CNTNAP2: variants seen among roughly 807,000 people sequenced by gnomAD.
CNTNAP2 encodes contactin associated protein 2.
CNTNAP2 carries 98 observed loss-of-function variants against 155.2 expected under a neutral mutation model. The observed-to-expected ratio is 0.63, with a 90% CI of 0.54 to 0.75. The LOEUF (loss-of-function observed/expected upper bound fraction) is 0.75. Ranked by LOEUF, CNTNAP2 falls within the 30% of genes least tolerant of loss-of-function variation. The pLI, the probability that CNTNAP2 is intolerant of heterozygous loss-of-function variation, is 0.00. For synonymous variants in CNTNAP2, 651 were observed against 631.2 expected, an observed-to-expected ratio of 1.03 and a Z score of -0.47; for missense variants, 1,727 against 1,688.1, an observed-to-expected ratio of 1.02 and a Z score of -0.40.
intron 3 of CNTNAP2, among the ~76,000 whole-genome samples, chr7:146,846,186 T>G (rs1201937668): frequency 6.6e-6 from 1 of 152,148 alleles, no homozygotes. Context: ...ATGTGATTCT[T>G]TTCCCCAAAA....
intron 1 of CNTNAP2, among the ~76,000 whole-genome samples, chr7:146,354,222 G>A (rs1246982367): frequency 6.6e-6 from 1 of 152,102 alleles, no homozygotes; most frequent in Non-Finnish European, 1.5e-5. Flanking sequence ...TCCACTGTGA[G>A]CTTTAGATTC....
At chr7:147,231,220 C>T (rs1803673983) in intron 8 of CNTNAP2, among the ~76,000 whole-genome samples, 1 of 152,196 alleles carries the variant, frequency 6.6e-6, no homozygotes, top group African/African-American at 2.4e-5. Flanking sequence ...ACCATATCAC[C>T]TAATGTCCTC....
chr7:148,339,240 C>T (rs1301219191), intron 21 of CNTNAP2, among the ~76,000 whole-genome samples: 6 of 148,802 alleles, frequency 4.0e-5, no homozygotes, highest in Non-Finnish European at 8.9e-5. Context: ...CACCAGGAGG[C>T]TCAAAGCCCA....
At chr7:147,905,310 A>G (rs1799941147) in intron 14 of CNTNAP2, among the ~76,000 whole-genome samples, 1 of 152,206 alleles carries the variant, frequency 6.6e-6, no homozygotes, top group South Asian at 2.1e-4. Flanking sequence ...CAGCTGGTTC[A>G]TTGTCCAGGC....
chr7:146,131,683 A>G (rs1040659412), intron 1 of CNTNAP2, among the ~76,000 whole-genome samples: 2 of 152,228 alleles, frequency 1.3e-5, no homozygotes, highest in Non-Finnish European at 2.9e-5. Context: ...TCAAAGACTT[A>G]GGCTTCATCT....
intron 12 of CNTNAP2, among the ~76,000 whole-genome samples, chr7:147,628,786 T>A (rs910979740): frequency 6.6e-6 from 1 of 150,500 alleles, no homozygotes; most frequent in Non-Finnish European, 1.5e-5. Context: ...GAAAAAGATA[T>A]TCCATGCAAA....
chr7:146,131,603 G>T lies in CNTNAP2; in HGVS notation c.97+14630G>T, dbSNP rs77863983. Among the ~76,000 whole-genome samples the T allele has an allele frequency of 8.7e-3, 1,330 of 152,244 alleles. 5 individuals carry two copies. Among genetic ancestry groups the T allele is most frequent in the Non-Finnish European group, 0.014 (975 of 68,010 alleles). ...CTTCAATAATATGCACCTTCAAATA[G>T]AATATTATAGGTCTTGCTTTATAAT... is the stretch of plus-strand genomic sequence containing the variant. On this transcript the variant is annotated intron_variant, in intron 1 of 23. Transcript: ENST00000361727.
chr7:147,344,479 C>A (rs549481678), intron 9 of CNTNAP2, among the ~76,000 whole-genome samples: 1 of 152,162 alleles, frequency 6.6e-6, no homozygotes. Context: ...CATAATTTTT[C>A]TCTGGGCTAT....
chr7:146,682,292 T>G (rs1800518653), intron 1 of CNTNAP2, among the ~76,000 whole-genome samples: 1 of 152,126 alleles, frequency 6.6e-6, no homozygotes, highest in African/African-American at 2.4e-5. Flanking sequence ...TGTTCCCTGT[T>G]GAGTGATAAG....
At chr7:147,955,713 G>C (rs1801007950) in intron 14 of CNTNAP2, among the ~76,000 whole-genome samples, 1 of 152,104 alleles carries the variant, frequency 6.6e-6, no homozygotes, top group Non-Finnish European at 1.5e-5. Context: ...TGACCAAGTG[G>C]ATCGGAAATG....
intron 21 of CNTNAP2, among the ~76,000 whole-genome samples, chr7:148,362,076 G>A (rs904951647): frequency 2.0e-5 from 3 of 152,168 alleles, no homozygotes; most frequent in Non-Finnish European, 4.4e-5. Context: ...GGGCATGGTA[G>A]TGCGTGCCTG....
chr7:146,367,082 T>A (rs73738703), intron 1 of CNTNAP2, among the ~76,000 whole-genome samples: 7,469 of 152,184 alleles, frequency 0.049, 270 homozygotes, highest in Middle Eastern at 0.099. Context: ...ACAAACAACA[T>A]TCTCATCTCT....
chr7:147,457,296 C>T (rs944606911), intron 10 of CNTNAP2, among the ~76,000 whole-genome samples: 2 of 152,126 alleles, frequency 1.3e-5, no homozygotes, highest in Non-Finnish European at 2.9e-5. Flanking sequence ...TTAAAGCTCA[C>T]CAGACATCAA....
chr7:147,260,219 T>C (rs1804426091), intron 8 of CNTNAP2, among the ~76,000 whole-genome samples: 1 of 152,222 alleles, frequency 6.6e-6, no homozygotes, highest in South Asian at 2.1e-4. Context: ...TTTGTTCACA[T>C]AGATCTGAGA....
rs1804521691 is a variant in CNTNAP2, at chr7:148,118,356, A to G, written c.2554+68A>G. On this transcript the variant is annotated intron_variant, in intron 16 of 23. Transcript: ENST00000361727. Reference sequence around the variant, plus strand: ...TCACCTCAGGGTGGTCCGGGTCCTGATTGTGGAAGGCCTTTTGATTCAAAC... The same window carrying G: ...TCACCTCAGGGTGGTCCGGGTCCTGGTTGTGGAAGGCCTTTTGATTCAAAC... 4 of 1,529,344 alleles carry G rather than the reference A, an allele frequency of 2.6e-6. No individual in the cohort carries two copies. The East Asian group carries it at 9.1e-5, about 35-fold the overall frequency. The allele number at this position is 1,529,344 out of a possible 1,614,324, so 94.7% of individuals were successfully genotyped here.
intron 3 of CNTNAP2, among the ~76,000 whole-genome samples, chr7:146,970,623 C>G (rs1433763285): frequency 1.3e-5 from 2 of 151,822 alleles, no homozygotes; most frequent in Non-Finnish European, 2.9e-5. Flanking sequence ...GGACTGTAAA[C>G]TAGTTCAACC....
At chr7:146,542,269 T>G (rs1797964317) in intron 1 of CNTNAP2, among the ~76,000 whole-genome samples, 1 of 151,400 alleles carries the variant, frequency 6.6e-6, no homozygotes, top group Non-Finnish European at 1.5e-5. Flanking sequence ...ATAAGGGGAG[T>G]GCTGAGATTT....
intron 13 of CNTNAP2, among the ~76,000 whole-genome samples, chr7:147,833,127 GTT>G (rs1056090232): frequency 2.2e-5 from 3 of 139,428 alleles, no homozygotes; most frequent in Admixed American, 7.2e-5. Flanking sequence ...TTTTTCTTAG[GTT>G]TTTTTTTTTT....
intron 1 of CNTNAP2, among the ~76,000 whole-genome samples, chr7:146,698,251 A>C (rs1800816952): frequency 6.6e-6 from 1 of 152,114 alleles, no homozygotes; most frequent in African/African-American, 2.4e-5. Context: ...TTTTTTCTTA[A>C]ATACTCTTTC....
Sources: allele counts gnomAD v4.1 joint callset (sites outside exome capture counted in the v4.1 genomes callset), GRCh38; gene constraint gnomAD v4.1.1; transcripts MANE v1.5; gene names NCBI Gene and HGNC (gene_info 2026-07-23, HGNC 2026-07-21).